The following SPOCK3 variants were observed in gnomAD, a reference collection of about 807,000 sequenced individuals.
SPOCK3 encodes SPARC (osteonectin), cwcv and kazal like domains proteoglycan 3, also known as testican-3.
SPOCK3 carries 30 observed loss-of-function variants against 56.6 expected under a neutral mutation model. The ratio of observed to expected loss-of-function variants is 0.53; its 90% CI spans 0.40 to 0.72. SPOCK3 has a LOEUF of 0.72. Among genes scored for constraint, SPOCK3 ranks in the 30% least tolerant of loss-of-function variants. SPOCK3 has a pLI of 0.00. For synonymous variants in SPOCK3, 196 were observed against 183.3 expected, an observed-to-expected ratio of 1.07 and a Z score of -0.56; for missense variants, 527 against 530.0, an observed-to-expected ratio of 0.99 and a Z score of 0.06.
At chr4:167,084,106 AAT>A (rs1226959363) in intron 2 of SPOCK3, among the ~76,000 whole-genome samples, 1 of 152,110 alleles carries the variant, frequency 6.6e-6, no homozygotes, top group Non-Finnish European at 1.5e-5. Context: ...GGTTTATGAG[AAT>A]ATGTGTTGCT....
intron 2 of SPOCK3, among the ~76,000 whole-genome samples, chr4:167,074,751 T>C (rs1164951251): frequency 2.0e-5 from 3 of 151,488 alleles, no homozygotes; most frequent in African/African-American, 7.3e-5. Flanking sequence ...GGGCGAGGAG[T>C]TGCTGGAAAA....
chr4:166,984,201 TA>T (rs1397615002), intron 4 of SPOCK3, among the ~76,000 whole-genome samples: 2 of 152,100 alleles, frequency 1.3e-5, no homozygotes, highest in African/African-American at 4.8e-5. Flanking sequence ...AATTATGCAA[TA>T]TTTTTTATAT....
chr4:166,930,335 C>T (rs1739596052), intron 4 of SPOCK3, among the ~76,000 whole-genome samples: 1 of 151,894 alleles, frequency 6.6e-6, no homozygotes, highest in Admixed American at 6.6e-5. Flanking sequence ...GTCAACATAC[C>T]TCTTTTACTA....
chr4:167,093,169 G>T (rs972593892), intron 2 of SPOCK3, among the ~76,000 whole-genome samples: 10 of 151,894 alleles, frequency 6.6e-5, no homozygotes, highest in Non-Finnish European at 1.5e-4. Context: ...TTTATTTATT[G>T]CACATGCCAT....
intron 9 of SPOCK3, among the ~76,000 whole-genome samples, chr4:166,738,177 TAA>T (rs1343186262): frequency 1.3e-5 from 2 of 152,252 alleles, no homozygotes; most frequent in East Asian, 3.9e-4. Context: ...ACCCACAATT[TAA>T]AGTCTTCCTC....
chr4:166,840,619 AT>A (rs1747135109), intron 6 of SPOCK3, among the ~76,000 whole-genome samples: 1 of 152,006 alleles, frequency 6.6e-6, no homozygotes, highest in South Asian at 2.1e-4. Flanking sequence ...GAACTCACCT[AT>A]TCCTTGGTTC....
intron 7 of SPOCK3, among the ~76,000 whole-genome samples, chr4:166,790,081 A>T (rs949427402): frequency 2.0e-5 from 3 of 152,088 alleles, no homozygotes; most frequent in Non-Finnish European, 2.9e-5. Context: ...TAGTATATTG[A>T]TTGCTTCTTT....
intron 4 of SPOCK3, among the ~76,000 whole-genome samples, chr4:166,916,324 C>A (rs1429781829): frequency 6.6e-6 from 1 of 152,018 alleles, no homozygotes; most frequent in Non-Finnish European, 1.5e-5. Context: ...TGCTAGCGTT[C>A]TTTTAGGTGA....
intron 2 of SPOCK3, among the ~76,000 whole-genome samples, chr4:167,123,193 A>T (rs909592869): frequency 1.3e-5 from 2 of 152,108 alleles, no homozygotes; most frequent in Admixed American, 1.3e-4. Flanking sequence ...AAAGTGATAA[A>T]GTATATTTCA....
intron 6 of SPOCK3, among the ~76,000 whole-genome samples, chr4:166,863,980 A>G (rs2126920088): frequency 6.6e-6 from 1 of 152,302 alleles, no homozygotes; most frequent in Admixed American, 6.5e-5. Flanking sequence ...AACAGAATAT[A>G]CATTCTTCTC....
chr4:166,840,885 TCTC>T (rs2126828323), intron 6 of SPOCK3, among the ~76,000 whole-genome samples: 2 of 148,350 alleles, frequency 1.3e-5, no homozygotes, highest in South Asian at 4.4e-4. Context: ...TTCATGCCAT[TCTC>T]CTACCTCAGC....
At chr4:166,921,559 G>A (rs913422627) in intron 4 of SPOCK3, among the ~76,000 whole-genome samples, 10 of 152,052 alleles carry the variant, frequency 6.6e-5, no homozygotes, top group Middle Eastern at 3.4e-3. Flanking sequence ...CTTGTGATCC[G>A]CCCGCCTTGG....
At chr4:166,751,701 A>G (rs552225248) in intron 8 of SPOCK3, among the ~76,000 whole-genome samples, 1 of 152,252 alleles carries the variant, frequency 6.6e-6, no homozygotes, top group East Asian at 1.9e-4. Flanking sequence ...TCATTCCTTT[A>G]TCTTACACAA....
intron 7 of SPOCK3, among the ~76,000 whole-genome samples, chr4:166,787,286 T>A (rs1017724700): frequency 3.9e-5 from 6 of 152,184 alleles, no homozygotes; most frequent in Non-Finnish European, 8.8e-5. Context: ...AAACAATAGA[T>A]ATTAGCATTT....
At chr4:167,117,667 G>C (rs950177773) in intron 2 of SPOCK3, among the ~76,000 whole-genome samples, 1 of 152,148 alleles carries the variant, frequency 6.6e-6, no homozygotes, top group African/African-American at 2.4e-5. Flanking sequence ...AGGGTGGGAA[G>C]GGCTCTCCCA....
chr4:167,078,076 T>G (rs935259256), intron 2 of SPOCK3, among the ~76,000 whole-genome samples: 2 of 151,902 alleles, frequency 1.3e-5, no homozygotes, highest in African/African-American at 4.8e-5. Flanking sequence ...TACAAAATGT[T>G]AAACCTTCCT....
intron 3 of SPOCK3, among the ~76,000 whole-genome samples, chr4:167,043,846 T>C (rs572595864): frequency 6.6e-6 from 1 of 152,146 alleles, no homozygotes; most frequent in Middle Eastern, 3.4e-3. Context: ...GCCAATACTT[T>C]ATTGAAGACT....
chr4:166,738,454 T>C (rs1734452697), intron 9 of SPOCK3, among the ~76,000 whole-genome samples: 1 of 151,468 alleles, frequency 6.6e-6, no homozygotes, highest in African/African-American at 2.4e-5. Context: ...AATTTTACTC[T>C]ATGGTTTTTT....
intron 2 of SPOCK3, among the ~76,000 whole-genome samples, chr4:167,155,522 C>G (rs1043390144): frequency 1.3e-5 from 2 of 152,150 alleles, no homozygotes; most frequent in African/African-American, 4.8e-5. Flanking sequence ...GAAAACAACA[C>G]ATGAGATACA....
Sources: allele counts gnomAD v4.1 joint callset (sites outside exome capture counted in the v4.1 genomes callset), GRCh38; gene constraint gnomAD v4.1.1; transcripts MANE v1.5; gene names NCBI Gene and HGNC (gene_info 2026-07-23, HGNC 2026-07-21).